KANSL1: variants seen among roughly 807,000 people sequenced by gnomAD.
KANSL1 encodes the protein KAT8 regulatory NSL complex subunit 1.
KANSL1 carries 22 observed loss-of-function variants against 103.6 expected under a neutral mutation model. That is an observed-to-expected ratio of 0.21 (90% confidence interval 0.15 to 0.30). The LOEUF (loss-of-function observed/expected upper bound fraction) is 0.30. Among genes scored for constraint, KANSL1 ranks in the 10% least tolerant of loss-of-function variants. The pLI is 1.00. For synonymous variants in KANSL1, 600 were observed against 527.6 expected (o/e 1.14, Z -1.88); for missense variants, 1,337 against 1,399.8 (o/e 0.96, Z 0.72).
intron 2 of KANSL1, among the ~76,000 whole-genome samples, chr17:46,106,629 G>A (rs2147070118): frequency 6.6e-6 from 1 of 152,254 alleles, no homozygotes; most frequent in East Asian, 1.9e-4. Flanking sequence ...CTGACCTCAG[G>A]TGATCTACCC....
intron 2 of KANSL1, among the ~76,000 whole-genome samples, chr17:46,129,336 A>G (rs1177466151): frequency 2.6e-5 from 4 of 152,362 alleles, no homozygotes; most frequent in East Asian, 1.9e-4. Context: ...AGGGAGTTAA[A>G]TAAAAAAGAG....
At chr17:46,111,536 C>A (rs1307596610) in intron 2 of KANSL1, among the ~76,000 whole-genome samples, 1 of 152,154 alleles carries the variant, frequency 6.6e-6, no homozygotes, top group African/African-American at 2.4e-5. Flanking sequence ...GAAGACTCTG[C>A]CCAACCAATT....
chr17:46,193,683 G>C, upstream of KANSL1: 1 of 303,194 alleles, frequency 3.3e-6, no homozygotes. Context: ...CCCCGGACGT[G>C]CGGCGACGGC....
rs2077295453 is a variant in KANSL1 at position 46,041,037 on chromosome 17, A to C, written c.2021-1153T>G. 3 of 152,258 alleles carry C rather than the reference A, an allele frequency of 2.0e-5. No individual in the cohort carries two copies. In the South Asian group the frequency reaches 6.2e-4, roughly 32 times the overall value. The allele number at this position is 152,258 out of a possible 1,614,324, so 9.4% of individuals were successfully genotyped here. A position where few individuals can be genotyped will look rare whatever the true frequency, so the allele number is the denominator to read the frequency against. Reference sequence around the variant, plus strand: ...AATACTGATAGAAATACGGGCAGTGAAGGCCAGGCTGACAAAAGTCTCAGA... The same window carrying C: ...AATACTGATAGAAATACGGGCAGTGCAGGCCAGGCTGACAAAAGTCTCAGA... On this transcript the variant is annotated intron_variant, in intron 7 of 14. Transcript: ENST00000432791.
chr17:46,197,567 C>T (rs56235542), upstream of KANSL1, among the ~76,000 whole-genome samples: 3 of 152,088 alleles, frequency 2.0e-5, no homozygotes, highest in South Asian at 2.1e-4. Flanking sequence ...CACTTGAGCC[C>T]GGAAGGCAGA....
chr17:46,139,876 G>A (rs2044334374), intron 2 of KANSL1, among the ~76,000 whole-genome samples: 1 of 152,150 alleles, frequency 6.6e-6, no homozygotes, highest in South Asian at 2.1e-4. Flanking sequence ...AAAGGAGAGA[G>A]GGAAGGGAAA....
intron 6 of KANSL1, among the ~76,000 whole-genome samples, chr17:46,059,645 A>AGAGAG (rs1378276594): frequency 6.7e-3 from 99 of 14,754 alleles, no homozygotes; most frequent in African/African-American, 0.011. Context: ...AAAAAAAAAA[A>AGAGAG]AAAGAGAGAG....
At chr17:46,186,410 G>GA (rs2047038364) in intron 1 of KANSL1, among the ~76,000 whole-genome samples, 1 of 144,880 alleles carries the variant, frequency 6.9e-6, no homozygotes, top group Non-Finnish European at 1.5e-5. Context: ...AATTCTAAAG[G>GA]AAACAGGTTA....
rs2147664875 is a variant in KANSL1, at chr17:46,165,244, T to C, written c.1289+5611A>G. On this transcript the variant is annotated intron_variant, in intron 2 of 14. Transcript: ENST00000432791. ...TTTTTTTTATTTTTATTTTTACTTA[T>C]TTATTTGAAATGGAGTCTCGCTCTG... Among the ~76,000 whole-genome samples, 2 of 152,358 alleles carry C rather than the reference T, an allele frequency of 1.3e-5. 1 individual carries two copies. The highest frequency in any genetic ancestry group is 6.8e-3 in the Middle Eastern group (2 of 292).
At chr17:46,053,285 A>T (rs2077791092) in intron 6 of KANSL1, among the ~76,000 whole-genome samples, 1 of 152,014 alleles carries the variant, frequency 6.6e-6, no homozygotes, top group Admixed American at 6.6e-5. Context: ...CTCCGTCTCC[A>T]AAAAAATTTA....
intron 2 of KANSL1, among the ~76,000 whole-genome samples, chr17:46,133,519 A>G (rs1321470934): frequency 1.3e-5 from 2 of 152,244 alleles, no homozygotes; most frequent in Non-Finnish European, 2.9e-5. Flanking sequence ...TAGACTAGGT[A>G]ATTTTGCAAC....
At chr17:46,065,044 T>C (rs2078327619) in intron 6 of KANSL1, among the ~76,000 whole-genome samples, 6 of 152,040 alleles carry the variant, frequency 3.9e-5, no homozygotes, top group African/African-American at 1.4e-4. Context: ...GGCACAACCA[T>C]GGTTCACTGC....
intron 7 of KANSL1, among the ~76,000 whole-genome samples, chr17:46,049,125 T>C (rs1053828809): frequency 6.6e-6 from 1 of 152,056 alleles, no homozygotes; most frequent in Admixed American, 6.5e-5. Context: ...CTGAGTTATC[T>C]CTATTTTATT....
chr17:46,175,283 T>A (rs1168309594), intron 1 of KANSL1, among the ~76,000 whole-genome samples: 3 of 151,728 alleles, frequency 2.0e-5, no homozygotes, highest in Non-Finnish European at 4.4e-5. Flanking sequence ...AGCACCAATA[T>A]ACATATGGGT....
intron 10 of KANSL1, chr17:46,037,862 A>G (rs943310776): frequency 6.6e-6 from 1 of 152,274 alleles, no homozygotes; most frequent in African/African-American, 2.4e-5. Context: ...GAATTAAAAT[A>G]TTAGAATGAA....
At chr17:46,196,071 A>G (rs1236181984), upstream of KANSL1, 5 of 305,968 alleles carry the variant, frequency 1.6e-5, no homozygotes, top group East Asian at 3.2e-4. Flanking sequence ...GTGAGACCCT[A>G]TCTCTACAAA....
intron 3 of KANSL1, among the ~76,000 whole-genome samples, chr17:46,090,886 A>G (rs1163358171): frequency 1.3e-5 from 2 of 152,254 alleles, no homozygotes; most frequent in Non-Finnish European, 2.9e-5. Flanking sequence ...CACTAAGAAT[A>G]TAATAGCTGA....
At chr17:46,102,414 TA>T (rs2147027553) in intron 2 of KANSL1, among the ~76,000 whole-genome samples, 1 of 152,308 alleles carries the variant, frequency 6.6e-6, no homozygotes, top group East Asian at 1.9e-4. Flanking sequence ...CATGCCTGGC[TA>T]ATTTTTGTGT....
upstream of KANSL1, chr17:46,193,673 C>T: frequency 3.3e-6 from 1 of 306,968 alleles, no homozygotes. Context: ...GCCCCAGCTG[C>T]CCCGGACGTG....
Sources: allele counts gnomAD v4.1 joint callset (sites outside exome capture counted in the v4.1 genomes callset), GRCh38; gene constraint gnomAD v4.1.1; transcripts MANE v1.5; gene names NCBI Gene and HGNC (gene_info 2026-07-23, HGNC 2026-07-21).